SNTA1: variants seen among roughly 807,000 people sequenced by gnomAD.
The protein encoded by SNTA1 is syntrophin alpha 1.
A neutral mutation model predicts 47.1 loss-of-function variants in SNTA1; 31 were observed. That is an observed-to-expected ratio of 0.66 (90% CI 0.49 to 0.89). The LOEUF (loss-of-function observed/expected upper bound fraction) is 0.89. SNTA1 is among the 40% of genes least tolerant of loss of function. The pLI, the probability that SNTA1 is intolerant of heterozygous loss-of-function variation, is 0.00. For missense variants in SNTA1, 575 were observed against 693.0 expected, an observed-to-expected ratio of 0.83 and a Z score of 1.91; for synonymous variants, 300 against 313.6, an observed-to-expected ratio of 0.96 and a Z score of 0.46.
At chr20:33,416,938 C>CAAAAAAAAAAAAAAA (rs1161474406) in intron 3 of SNTA1, among the ~76,000 whole-genome samples, 1 of 56,044 alleles carries the variant, frequency 1.8e-5, no homozygotes. Flanking sequence ...GAGACTCTGT[C>CAAAAAAAAAAAAAAA]AAAAAAAAAA....
intron 2 of SNTA1, among the ~76,000 whole-genome samples, chr20:33,438,499 A>C (rs6059323): frequency 0.02 from 3,103 of 152,204 alleles, 101 homozygotes; most frequent in African/African-American, 0.07. Context: ...TGCCATGTAC[A>C]TTTTTGCCCT....
intron 6 of SNTA1, among the ~76,000 whole-genome samples, chr20:33,409,534 C>T (rs1349004807): frequency 6.6e-6 from 1 of 152,038 alleles, no homozygotes; most frequent in African/African-American, 2.4e-5. Context: ...AATCTCGGCT[C>T]ACCACAACCT....
chr20:33,443,485 C>T lies in SNTA1; in HGVS notation c.136G>A (p.Asp46Asn), dbSNP rs1990632538. The T allele has an allele frequency of 2.9e-6, 4 of 1,377,794 alleles. No individual in the cohort carries two copies. Among genetic ancestry groups the T allele is most frequent in the South Asian group, 1.6e-5 (1 of 63,372 alleles). The allele number at this position is 1,377,794 out of a possible 1,614,324, so 85.3% of individuals were successfully genotyped here. The part of the protein sequence containing the change: ...AEDVLTVSPA[D>N]GDPGPEPGAP... ...CCGGGCTCGGGACCAGGGTCGCCGT[C>T]GGCGGGGCTCACGGTCAGCACGTCC... Residue 46 changes from aspartate to asparagine, a missense_variant, in exon 1 of 8, where the codon GAC (aspartate) becomes AAC (asparagine). Asp to Asn is a conservative substitution (Grantham distance 23). Transcript: ENST00000217381.
chr20:33,410,026 A>G, intron 6 of SNTA1, 109 bp downstream of exon 6: 2 of 1,175,070 alleles, frequency 1.7e-6, no homozygotes, highest in Non-Finnish European at 2.5e-6. Context: ...TTGACCTCCA[A>G]ACCCCATTTT....
rs3764672 is a variant in SNTA1 at position 33,438,544 on chromosome 20, C to G, written c.496+297G>C. Among the ~76,000 whole-genome samples, 64,753 of 152,056 alleles carry G rather than the reference C, an allele frequency of 0.43. 14,653 individuals carry two copies. Among genetic ancestry groups the G allele is most frequent in the Non-Finnish European group, 0.51 (34,796 of 67,970 alleles). Reference sequence around the variant, plus strand: ...AACCCAGAAAGGCAGGAGCTACATCCCTGTTTTACAAATGAGGAAACTAAG... The same window carrying G: ...AACCCAGAAAGGCAGGAGCTACATCGCTGTTTTACAAATGAGGAAACTAAG... On this transcript the variant is annotated intron_variant, in intron 2 of 7. Coordinates refer to ENST00000217381, the MANE Select transcript of SNTA1 (RefSeq NM_003098.3).
chr20:33,412,471 G>A (rs779651976), intron 4 of SNTA1, 45 bp from the exon 5 acceptor site: 4 of 1,608,158 alleles, frequency 2.5e-6, no homozygotes, highest in Admixed American at 1.7e-5. Flanking sequence ...GGGAAGAGAG[G>A]GCAGAGGGCC....
In SNTA1 at chr20:33,410,118, A is replaced by C. The variant is rs1419850369; in HGVS notation, c.1237+17T>G. The C allele has an allele frequency of 1.2e-6, 2 of 1,613,662 alleles. No homozygotes were observed. Among genetic ancestry groups the C allele is most frequent in the Non-Finnish European group, 1.7e-6 (2 of 1,179,530 alleles). On this transcript the variant is annotated intron_variant, in intron 6 of 7. Coordinates refer to ENST00000217381, the MANE Select transcript of SNTA1 (RefSeq NM_003098.3). ...GGCTTATTACCAGAGGGACACTCCC[A>C]GATCCTCCCAGCACACCTGTAGACA...
intron 1 of SNTA1, among the ~76,000 whole-genome samples, chr20:33,441,164 G>T (rs188471515): frequency 6.6e-6 from 1 of 152,154 alleles, no homozygotes; most frequent in Non-Finnish European, 1.5e-5. Context: ...GATTCATTGC[G>T]TCTTTACAAT....
intron 2 of SNTA1, among the ~76,000 whole-genome samples, chr20:33,424,874 T>C (rs1387366738): frequency 3.3e-5 from 5 of 151,172 alleles, no homozygotes; most frequent in Non-Finnish European, 4.4e-5. Context: ...CCCAGCACTT[T>C]GGGGGGCCGA....
At position 33,412,367 on chromosome 20, in the gene SNTA1, G is replaced by C; in HGVS notation, c.969C>G (p.Leu323=). Residue 323 remains leucine, a synonymous_variant, in exon 5 of 8, where the codon CTC becomes CTG. Transcript: ENST00000217381. ...LALLTEKELL[L]YLSLPETREA... ...CGCGGGTCTCGGGGAGAGACAAGTA[G>C]AGGAGCAGTTCCTTTTCAGTTAGCA... is the stretch of plus-strand genomic sequence containing the variant. The C allele has an allele frequency of 6.2e-7, 1 of 1,611,834 alleles. No individual in the cohort carries two copies. Among genetic ancestry groups the C allele is most frequent in the South Asian group, 1.1e-5 (1 of 90,496 alleles).
At chr20:33,426,689 G>A (rs562494998) in intron 2 of SNTA1, among the ~76,000 whole-genome samples, 1 of 151,990 alleles carries the variant, frequency 6.6e-6, no homozygotes, top group East Asian at 1.9e-4. Flanking sequence ...TTGAACCCGG[G>A]AGGCAGAGGT....
At chr20:33,433,347 C>T (rs1329728714) in intron 2 of SNTA1, among the ~76,000 whole-genome samples, 4 of 149,848 alleles carry the variant, frequency 2.7e-5, no homozygotes, top group Non-Finnish European at 5.9e-5. Flanking sequence ...TCACTGAAAC[C>T]TCTGCCTCCT....
chr20:33,420,016 C>A (rs1302220054), intron 2 of SNTA1, among the ~76,000 whole-genome samples: 1 of 151,998 alleles, frequency 6.6e-6, no homozygotes, highest in East Asian at 1.9e-4. Flanking sequence ...CTCTGCCTCC[C>A]GGGTTCAAGC....
chr20:33,417,934 G>A lies in SNTA1; in HGVS notation c.497-11C>T, dbSNP rs760257064. The A allele has an allele frequency of 2.5e-6, 4 of 1,590,210 alleles. No individual in the cohort carries two copies. The highest frequency in any genetic ancestry group is 1.1e-5 in the South Asian group (1 of 90,634). ...CCTTCATATACTTGACTGATTGGGA[G>A]AGACATCAGCAGTCACCACTGTGAC... On this transcript the variant is annotated splice_polypyrimidine_tract_variant and intron_variant, in intron 2 of 7. Transcript: ENST00000217381.
intron 2 of SNTA1, among the ~76,000 whole-genome samples, chr20:33,428,484 T>C (rs1990217417): frequency 6.6e-6 from 1 of 151,912 alleles, no homozygotes; most frequent in Admixed American, 6.6e-5. Flanking sequence ...TATTACGTGA[T>C]AAAAGCAAAT....
intron 2 of SNTA1, among the ~76,000 whole-genome samples, chr20:33,423,539 A>T (rs969203284): frequency 6.6e-6 from 1 of 152,110 alleles, no homozygotes; most frequent in Non-Finnish European, 1.5e-5. Context: ...CTTCCTCCTC[A>T]GGGAAGCTGA....
intron 6 of SNTA1, among the ~76,000 whole-genome samples, chr20:33,409,403 G>A (rs1436269970): frequency 1.3e-5 from 2 of 151,968 alleles, no homozygotes; most frequent in African/African-American, 4.8e-5. Context: ...AAACCCCAGG[G>A]AGAAGAGTCT....
intron 3 of SNTA1, among the ~76,000 whole-genome samples, chr20:33,413,954 A>G (rs1989810460): frequency 6.8e-6 from 1 of 146,990 alleles, no homozygotes; most frequent in African/African-American, 2.5e-5. Flanking sequence ...AAACAGAAAA[A>G]CAGACAGGGT....
rs571737210 is a variant in SNTA1, at chr20:33,408,821, C to A, written c.1305G>T (p.Ala435=). The A allele has an allele frequency of 1.2e-6, 2 of 1,614,166 alleles. No individual in the cohort carries two copies. Among genetic ancestry groups the A allele is most frequent in the Middle Eastern group, 3.3e-4 (2 of 6,062 alleles). The change falls in exon 7 of 8, where the codon GCG becomes GCT. Residue 435 remains alanine (A), a synonymous_variant. Transcript: ENST00000217381. ...VHIDKGFTLW[A]AEPGAARAVL... is the part of the protein sequence containing the mutation. ...CAGCTCGGGCTGCACCTGGCTCAGC[C>A]GCCCACAGTGTGAAGCCCTTGTCGA...
Sources: gnomAD v4.1 joint callset for allele counts (sites outside exome capture counted in the v4.1 genomes callset) on GRCh38, gnomAD v4.1.1 for gene constraint, MANE v1.5 for transcripts, NCBI Gene and HGNC (gene_info 2026-07-23, HGNC 2026-07-21) for gene names.